Variants in GLIS2 observed in about 807,000 individuals in gnomAD.
GLIS2 encodes the protein GLIS family zinc finger 2.
Under a neutral mutation model 35.6 loss-of-function variants are expected in GLIS2, and 14 were observed. The ratio of observed to expected loss-of-function variants is 0.39; its 90% CI spans 0.26 to 0.61. The LOEUF (loss-of-function observed/expected upper bound fraction) is 0.61. Among genes scored for constraint, GLIS2 ranks in the 20% least tolerant of loss-of-function variants. The pLI is 0.48. For missense variants in GLIS2, 675 were observed against 713.4 expected (o/e 0.95, Z 0.61); for synonymous variants, 368 against 325.1 (o/e 1.13, Z -1.42).
chr16:4,327,578 G>A (rs1480893281), intron 1 of GLIS2, among the ~76,000 whole-genome samples: 1 of 152,190 alleles, frequency 6.6e-6, no homozygotes, highest in Non-Finnish European at 1.5e-5. Context: ...GGGGCCGGGT[G>A]GCTCCGCCAG....
In GLIS2 at chr16:4,337,561, G is replaced by C. The variant is rs1187922206; in HGVS notation, c.*37G>C. 6.5e-7 allele frequency: 1 copy of C among 1,539,884 alleles called. No homozygotes were observed. The highest frequency in any genetic ancestry group is 1.9e-5 in the Admixed American group (1 of 51,360). The stretch of plus-strand genomic sequence containing the variant: ...GGACAGTTGTGGTGCCCCCCCGGCA[G>C]CTCCCGGCACTGCCCCCGACGAACG... On this transcript the variant is annotated 3_prime_UTR_variant, in exon 7 of 7. Transcript: ENST00000433375.
In GLIS2 at chr16:4,332,059, C is replaced by G. The variant is rs553531677; in HGVS notation, c.-66-156C>G. ...CTGAGGAGGCTGTTGGCTCTCCCCC[C>G]ATGATAGCTGCCGGCCAGGTCGCTC... On this transcript the variant is annotated intron_variant, in intron 1 of 6. Transcript: ENST00000433375. The surrounding 1 kb of genome is among the most constrained non-coding windows in gnomAD (Gnocchi z 5.4). Among the ~76,000 whole-genome samples, 3 of 152,184 alleles carry G rather than the reference C, an allele frequency of 2.0e-5. No individual in the cohort carries two copies. Among genetic ancestry groups the G allele is most frequent in the South Asian group, 2.1e-4 (1 of 4,826 alleles).
chr16:4,325,963 A>C (rs2053426000), intron 1 of GLIS2, among the ~76,000 whole-genome samples: 1 of 136,656 alleles, frequency 7.3e-6, no homozygotes, highest in African/African-American at 2.8e-5. Context: ...AAAAGGCCAG[A>C]CTTGGTGGCT....
At chr16:4,317,410 G>T (rs1451630921) in intron 1 of GLIS2, among the ~76,000 whole-genome samples, 1 of 152,194 alleles carries the variant, frequency 6.6e-6, no homozygotes, top group African/African-American at 2.4e-5. Context: ...TGGAGGGAAG[G>T]TGGGGCCAGC....
rs1015052431 is a variant in GLIS2 at position 4,337,707 on chromosome 16, C to T, written c.*183C>T. 2 of 828,736 alleles carry T rather than the reference C, an allele frequency of 2.4e-6. No homozygotes were observed. Among genetic ancestry groups the T allele is most frequent in the Non-Finnish European group, 3.9e-6 (2 of 518,968 alleles). 51.3% of individuals were successfully genotyped at this position (828,736 alleles called of 1,614,324 possible). ...GGCCTCCCAGCCCCCGGGTGGGGAC[C>T]TGGCCTGTCATGCAGGGAGAGCTGT... is the stretch of plus-strand genomic sequence containing the variant. On this transcript the variant is annotated 3_prime_UTR_variant, in exon 7 of 7. Transcript: ENST00000433375.
intron 1 of GLIS2, among the ~76,000 whole-genome samples, chr16:4,318,032 T>C (rs1488991336): frequency 2.0e-5 from 3 of 152,124 alleles, no homozygotes; most frequent in Non-Finnish European, 2.9e-5. Flanking sequence ...CTCCTGGCTC[T>C]CTACACAGGG....
intron 1 of GLIS2, among the ~76,000 whole-genome samples, chr16:4,317,515 C>T (rs569280407): frequency 1.3e-5 from 2 of 152,240 alleles, no homozygotes; most frequent in East Asian, 1.9e-4. Context: ...TGGGTCACCC[C>T]TCCCCAAGCC....
chr16:4,336,762 C>G lies in GLIS2; in HGVS notation c.813C>G (p.Asn271Lys), dbSNP rs753307068. 1.2e-6 allele frequency: 2 copies of G among 1,610,834 alleles called. No individual in the cohort carries two copies. Among genetic ancestry groups the G allele is most frequent in the Non-Finnish European group, 8.5e-7 (1 of 1,179,038 alleles). Residue 271 changes from asparagine (N) to lysine (K), a missense_variant, in exon 7 of 7, where the codon AAC becomes AAG. Around this residue, in one of 3 missense-constraint regions of GLIS2, gnomAD observed 133 missense variants for 191.4 expected, o/e 0.69. Transcript: ENST00000433375. The stretch of plus-strand genomic sequence containing the variant: ...ACGTCTGCCCCTACGAGGGCTGCAA[C>G]AAGCGCTATTCCAACTCCAGTGACC... ...KPYVCPYEGC[N>K]KRYSNSSDRF... is the part of the protein sequence containing the mutation.
chr16:4,327,142 C>T (rs540115696), intron 1 of GLIS2, among the ~76,000 whole-genome samples: 1 of 151,930 alleles, frequency 6.6e-6, no homozygotes, highest in South Asian at 2.1e-4. Context: ...GATTCTCCTG[C>T]CTCGGCCTCC....
At chr16:4,318,363 CA>C (rs2053337886) in intron 1 of GLIS2, among the ~76,000 whole-genome samples, 1 of 152,094 alleles carries the variant, frequency 6.6e-6, no homozygotes, top group South Asian at 2.1e-4. Flanking sequence ...GGAGGGGGGT[CA>C]GGGGGAGGAA....
chr16:4,337,867 A>C lies in GLIS2; in HGVS notation c.*343A>C. 2.2e-6 allele frequency: 1 copy of C among 446,134 alleles called. No homozygotes were observed. Among genetic ancestry groups the C allele is most frequent in the Non-Finnish European group, 4.2e-6 (1 of 240,180 alleles). 27.6% of individuals were successfully genotyped at this position (446,134 alleles called of 1,614,324 possible). A position where few individuals can be genotyped will look rare whatever the true frequency, so the allele number is the denominator to read the frequency against. The stretch of plus-strand genomic sequence containing the variant: ...CACCTCCCTCACCTAGTGACCACCC[A>C]TGGCAAGTTGCCCTCTCCCAGCAGA... On this transcript the variant is annotated 3_prime_UTR_variant, in exon 7 of 7. Coordinates refer to ENST00000433375, the MANE Select transcript of GLIS2 (RefSeq NM_032575.3).
chr16:4,318,883 G>T (rs137973892), intron 1 of GLIS2, among the ~76,000 whole-genome samples: 4 of 152,246 alleles, frequency 2.6e-5, no homozygotes, highest in Admixed American at 2.0e-4. Flanking sequence ...GGACCAGGGG[G>T]TGAGGGCCAG....
At position 4,332,821 on chromosome 16, in the gene GLIS2, C is replaced by T. The variant is rs553683420; in HGVS notation, c.172+369C>T. On this transcript the variant is annotated intron_variant, in intron 2 of 6. Transcript: ENST00000433375. This position sits in a 1 kb window ranked among gnomAD's most constrained non-coding sequence, Gnocchi z 5.4. Reference sequence around the variant, plus strand: ...AGGCTGGGTCTGAGCCCAGGAGGTGCCTCTCAGGGATTCCCGGTGCTTGGG... The same window carrying T: ...AGGCTGGGTCTGAGCCCAGGAGGTGTCTCTCAGGGATTCCCGGTGCTTGGG... Among the ~76,000 whole-genome samples, 6 of 152,300 alleles carry T rather than the reference C, an allele frequency of 3.9e-5. No individual in the cohort carries two copies. The highest frequency in any genetic ancestry group is 1.2e-4 in the African/African-American group (5 of 41,574).
In GLIS2 at chr16:4,334,808, A is replaced by C; in HGVS notation, c.353A>C (p.Gln118Pro). 6.2e-7 allele frequency: 1 copy of C among 1,613,406 alleles called. No homozygotes were observed. Among genetic ancestry groups the C allele is most frequent in the Non-Finnish European group, 8.5e-7 (1 of 1,179,982 alleles). ...LPPVPSASDF[Q>P]PLRYLDGVPS... ...CCTCCCCTCGCACCCCAGGACTTCC[A>C]GCCACTGCGCTATTTGGATGGTGTC... Residue 118 changes from glutamine to proline, a missense_variant, in exon 4 of 7, where the codon CAG (glutamine) becomes CCG (proline). Physicochemically the swap from Gln to Pro is moderately conservative, Grantham distance 76. Around this residue, in one of 3 missense-constraint regions of GLIS2, gnomAD observed 225 missense variants for 238.7 expected, o/e 0.94. Transcript: ENST00000433375.
chr16:4,315,187 C>T (rs1446970523), upstream of GLIS2: 1 of 152,228 alleles, frequency 6.6e-6, no homozygotes. Context: ...GCTCGGATTG[C>T]TCGGCATCGG....
Position 4,320,652 on chromosome 16 carries a change from G to T in GLIS2, c.-67+4398G>T, listed in dbSNP as rs2053368596. On this transcript the variant is annotated intron_variant, in intron 1 of 6. Coordinates refer to ENST00000433375, the MANE Select transcript of GLIS2 (RefSeq NM_032575.3). This position sits in a 1 kb window ranked among gnomAD's most constrained non-coding sequence, Gnocchi z 5.6. ...CCCTTCCCTGCATCGTCTGCCTGGG[G>T]CTGTCTAGCAAGTCCCGGCCTGCCT... Among the ~76,000 whole-genome samples, 1 of 152,148 alleles carries T rather than the reference G, an allele frequency of 6.6e-6. No homozygotes were observed. Among genetic ancestry groups the T allele is most frequent in the Admixed American group, 6.5e-5 (1 of 15,282 alleles).
At chr16:4,319,674 A>G (rs2053355374) in intron 1 of GLIS2, among the ~76,000 whole-genome samples, 2 of 151,848 alleles carry the variant, frequency 1.3e-5, no homozygotes, top group Admixed American at 6.5e-5. Flanking sequence ...CGCGCTTCCA[A>G]CAAGCACCTC....
intron 3 of GLIS2, among the ~76,000 whole-genome samples, chr16:4,333,815 T>A (rs971235187): frequency 3.3e-5 from 5 of 152,038 alleles, no homozygotes; most frequent in African/African-American, 1.2e-4. Flanking sequence ...GTTTCTCTTA[T>A]AAAGACACCA....
rs749697026 is a variant in GLIS2 at position 4,336,940 on chromosome 16, C to T, written c.991C>T (p.Leu331=). The change falls in exon 7 of 7, where the codon CTG becomes TTG. Residue 331 remains leucine (L), a synonymous_variant. Coordinates refer to ENST00000433375, the MANE Select transcript of GLIS2 (RefSeq NM_032575.3). The part of the protein sequence containing the change: ...VSHEQQELLQ[L]RPPPKPPLPA... ...CCACGAGCAGCAAGAGCTCCTGCAG[C>T]TGCGCCCACCCCCCAAGCCGCCACT... The T allele has an allele frequency of 3.1e-6, 5 of 1,611,568 alleles. No individual in the cohort carries two copies. In the Admixed American group the frequency reaches 5.0e-5, roughly 16 times the overall value.
Sources: allele counts gnomAD v4.1 joint callset (sites outside exome capture counted in the v4.1 genomes callset), GRCh38; gene constraint gnomAD v4.1.1; regional missense constraint gnomAD v4.1.1; non-coding constraint Gnocchi (gnomAD v3.1); transcripts MANE v1.5; gene names NCBI Gene and HGNC (gene_info 2026-07-23, HGNC 2026-07-21).